Variants in NOL11 observed in about 807,000 individuals in gnomAD.
The protein encoded by NOL11 is nucleolar protein 11.
Under a neutral mutation model 93.0 loss-of-function variants are expected in NOL11, and 42 were observed. That is an observed-to-expected ratio of 0.45 (90% CI 0.35 to 0.58). The LOEUF (loss-of-function observed/expected upper bound fraction) is 0.58, where lower values mean the gene tolerates loss of function less well. NOL11 is among the 20% of genes least tolerant of loss of function. The pLI is 0.00. For missense variants in NOL11, 775 were observed against 841.8 expected, an observed-to-expected ratio of 0.92 and a Z score of 0.98; for synonymous variants, 296 against 293.7, an observed-to-expected ratio of 1.01 and a Z score of -0.08.
At chr17:67,731,864 C>T (rs1045832701) in intron 7 of NOL11, among the ~76,000 whole-genome samples, 1 of 152,188 alleles carries the variant, frequency 6.6e-6, no homozygotes, top group East Asian at 1.9e-4. Flanking sequence ...GTTTTGATTA[C>T]TGTAACTTTA....
intron 7 of NOL11, among the ~76,000 whole-genome samples, chr17:67,733,709 T>A (rs938434568): frequency 1.3e-5 from 2 of 152,190 alleles, no homozygotes; most frequent in Admixed American, 1.3e-4. Flanking sequence ...TTTTAAGTCA[T>A]GAAAGACTGT....
chr17:67,729,779 C>T (rs1379394042), intron 7 of NOL11, among the ~76,000 whole-genome samples: 1 of 150,946 alleles, frequency 6.6e-6, no homozygotes, highest in Non-Finnish European at 1.5e-5. Flanking sequence ...CGGGGTTTCA[C>T]CTTGTTAGCC....
In NOL11 at chr17:67,742,309, C is replaced by T. The variant is rs532074846; in HGVS notation, c.1936-1170C>T. ...TTCTTTGATAATGAGAGAAGGAAAC[C>T]GTCTCTTCTTGTCCATTTATATTTG... is the stretch of plus-strand genomic sequence containing the variant. On this transcript the variant is annotated intron_variant, in intron 16 of 17. Transcript: ENST00000253247. 3.9e-5 allele frequency among the ~76,000 whole-genome samples: 6 copies of T among 152,226 alleles called. No homozygotes were observed. The South Asian group carries it at 6.2e-4, about 16-fold the overall frequency.
In NOL11 at chr17:67,737,711, C is replaced by A; in HGVS notation, c.1403+19C>A. 6.2e-7 allele frequency: 1 copy of A among 1,607,804 alleles called. No individual in the cohort carries two copies. The highest frequency in any genetic ancestry group is 8.5e-7 in the Non-Finnish European group (1 of 1,177,430). On this transcript the variant is annotated intron_variant, in intron 12 of 17. Coordinates refer to ENST00000253247, the MANE Select transcript of NOL11 (RefSeq NM_015462.5). Reference sequence around the variant, plus strand: ...CTTACAGGTAGCTGTTTGTGTGTACCACACTGTACGTGCATAATTCTTCTG... The same window carrying A: ...CTTACAGGTAGCTGTTTGTGTGTACAACACTGTACGTGCATAATTCTTCTG...
rs2055279195 is a variant in NOL11, at chr17:67,744,004, A to G, written c.*145A>G. On this transcript the variant is annotated 3_prime_UTR_variant, in exon 18 of 18. Coordinates refer to ENST00000253247, the MANE Select transcript of NOL11 (RefSeq NM_015462.5). Reference sequence around the variant, plus strand: ...GAGTACCTGGACCATCACTTAACTGATGCTCCGGGGTAGGACTGCAGGTTT... The same window carrying G: ...GAGTACCTGGACCATCACTTAACTGGTGCTCCGGGGTAGGACTGCAGGTTT... 1 of 462,728 alleles carries G rather than the reference A, an allele frequency of 2.2e-6. No individual in the cohort carries two copies. Among genetic ancestry groups the G allele is most frequent in the Admixed American group, 4.1e-5 (1 of 24,432 alleles). The allele number at this position is 462,728 out of a possible 1,614,324, so 28.7% of individuals were successfully genotyped here.
rs7219875 is a variant in NOL11 at position 67,723,982 on chromosome 17, T to C, written c.520-67T>C. On this transcript the variant is annotated intron_variant, in intron 5 of 17. Coordinates refer to ENST00000253247, the MANE Select transcript of NOL11 (RefSeq NM_015462.5). ...AGTAGAATGGGGTGACAACTTCTGG[T>C]TTTAACATATGTTAAAATACTTGGT... 414 of 1,175,022 alleles carry C rather than the reference T, an allele frequency of 3.5e-4. 1 individual carries two copies. In the African/African-American group the frequency reaches 5.8e-3, roughly 16 times the overall value. The allele number at this position is 1,175,022 out of a possible 1,614,324, so 72.8% of individuals were successfully genotyped here.
chr17:67,741,853 C>T (rs904187937), intron 16 of NOL11, among the ~76,000 whole-genome samples: 5 of 152,178 alleles, frequency 3.3e-5, no homozygotes, highest in Admixed American at 2.0e-4. Context: ...CTTAAGCCAC[C>T]GCACCCGGCC....
chr17:67,737,757 A>C (rs1189516399), intron 12 of NOL11, 65 bp downstream of exon 12: 4 of 1,581,752 alleles, frequency 2.5e-6, no homozygotes, highest in Non-Finnish European at 3.4e-6. Flanking sequence ...TTATAGTTCT[A>C]ATCTTCTGAA....
At chr17:67,733,625 T>G (rs1302606803) in intron 7 of NOL11, among the ~76,000 whole-genome samples, 2 of 152,214 alleles carry the variant, frequency 1.3e-5, no homozygotes, top group Non-Finnish European at 2.9e-5. Context: ...TGTGGGTTTT[T>G]CATAGATGCC....
chr17:67,736,114 G>C (rs2055199805), intron 9 of NOL11, 91 bp downstream of exon 9: 2 of 1,227,970 alleles, frequency 1.6e-6, no homozygotes, highest in African/African-American at 1.6e-5. Flanking sequence ...TATTTGTAAA[G>C]CTTTTTCTTA....
chr17:67,718,009 G>A lies in NOL11; in HGVS notation c.62G>A (p.Gly21Glu). 1.9e-6 allele frequency: 3 copies of A among 1,614,236 alleles called. No homozygotes were observed. The highest frequency in any genetic ancestry group is 2.5e-6 in the Non-Finnish European group (3 of 1,180,050). The change falls in exon 1 of 18, where the codon GGA (glycine) becomes GAA (glutamate). Residue 21 changes from glycine to glutamate, a missense_variant. Physicochemically the swap from Gly to Glu is moderately conservative, Grantham distance 98. Around this residue, in one of 2 missense-constraint regions of NOL11, gnomAD observed 359 missense variants for 316.5 expected, o/e 1.13. Coordinates refer to ENST00000253247, the MANE Select transcript of NOL11 (RefSeq NM_015462.5). ...GTAGTCCTGAGCGCCGGGCCTGAAGGACTCCTAGGCGTGGAGCAGAGCGAC... is the reference window on the plus strand; with the variant it reads ...GTAGTCCTGAGCGCCGGGCCTGAAGAACTCCTAGGCGTGGAGCAGAGCGAC... ...SSVVLSAGPE[G>E]LLGVEQSDKT...
At position 67,721,380 on chromosome 17, in the gene NOL11, G is replaced by A; in HGVS notation, c.315G>A (p.Leu105=). The A allele has an allele frequency of 6.5e-7, 1 of 1,529,280 alleles. No homozygotes were observed. The highest frequency in any genetic ancestry group is 1.3e-5 in the South Asian group (1 of 74,790). The allele number at this position is 1,529,280 out of a possible 1,614,324, so 94.7% of individuals were successfully genotyped here. A position where few individuals can be genotyped will look rare whatever the true frequency, so the allele number is the denominator to read the frequency against. ...TAAAATTTTTTATGTTCTTCCAGTT[G>A]TCAGCAGAAGTATATAGGATACTTT... The part of the protein sequence containing the change: ...VNLDKVFKAT[L]SAEVYRILSV... Residue 105 remains leucine (L), a splice_region_variant and synonymous_variant, in exon 4 of 18, where the codon TTG becomes TTA. Transcript: ENST00000253247.
At chr17:67,736,121 C>G in intron 9 of NOL11, 98 bp downstream of exon 9, 1 of 1,183,426 alleles carries the variant, frequency 8.5e-7, no homozygotes, top group Non-Finnish European at 1.2e-6. Flanking sequence ...AAAGCTTTTT[C>G]TTAATTTTGA....
chr17:67,730,486 T>C (rs2055143688), intron 7 of NOL11, among the ~76,000 whole-genome samples: 1 of 151,486 alleles, frequency 6.6e-6, no homozygotes, highest in Non-Finnish European at 1.5e-5. Flanking sequence ...GGTCTCAATC[T>C]CCTGACCTCA....
chr17:67,734,667 G>A (rs372836473), intron 8 of NOL11, among the ~76,000 whole-genome samples: 1 of 152,150 alleles, frequency 6.6e-6, no homozygotes, highest in Non-Finnish European at 1.5e-5. Context: ...CAAACCAGGT[G>A]TGGTGGTATG....
At position 67,737,967 on chromosome 17, in the gene NOL11, C is replaced by A; in HGVS notation, c.1524C>A (p.Phe508Leu). Reference protein sequence around the residue: ...ESVTCACLKIFLSIGDDSLQE... With the variant: ...ESVTCACLKILLSIGDDSLQE... ...TCACCTGTGCTTGCTTAAAAATTTT[C>A]TTGAGGTAAGTTAGACTCCAATGGT... Residue 508 changes from phenylalanine to leucine, a missense_variant, in exon 13 of 18, where the codon TTC becomes TTA. Transcript: ENST00000253247. 1 of 1,607,492 alleles carries A rather than the reference C, an allele frequency of 6.2e-7. No individual in the cohort carries two copies. Among genetic ancestry groups the A allele is most frequent in the South Asian group, 1.1e-5 (1 of 90,088 alleles).
At chr17:67,724,773 A>G (rs1028948952) in intron 6 of NOL11, among the ~76,000 whole-genome samples, 2 of 152,216 alleles carry the variant, frequency 1.3e-5, no homozygotes, top group East Asian at 1.9e-4. Flanking sequence ...AAAATTTACC[A>G]TAAGCTGGCC....
chr17:67,738,285 A>G lies in NOL11; in HGVS notation c.1693A>G (p.Asn565Asp), dbSNP rs2055222350. Reference sequence around the variant, plus strand: ...ATGCAATAACTGTGATCAAGAGTTAAATAAAAAGCCCCAGGACGAAACAAA... The same window carrying G: ...ATGCAATAACTGTGATCAAGAGTTAGATAAAAAGCCCCAGGACGAAACAAA... ...DKCNNCDQEL[N>D]KKPQDETKES... The change falls in exon 14 of 18, where the codon AAT (asparagine) becomes GAT (aspartate). Residue 565 changes from asparagine to aspartate, a missense_variant. Physicochemically the swap from Asn to Asp is conservative, Grantham distance 23. Coordinates refer to ENST00000253247, the MANE Select transcript of NOL11 (RefSeq NM_015462.5). 2 of 1,613,992 alleles carry G rather than the reference A, an allele frequency of 1.2e-6. No individual in the cohort carries two copies. Among genetic ancestry groups the G allele is most frequent in the South Asian group, 2.2e-5 (2 of 91,092 alleles).
chr17:67,732,578 A>G (rs890050571), intron 7 of NOL11, among the ~76,000 whole-genome samples: 1 of 151,670 alleles, frequency 6.6e-6, no homozygotes, highest in Non-Finnish European at 1.5e-5. Context: ...TTTTTAAAAA[A>G]ATGTTTTATT....
Sources: allele counts gnomAD v4.1 joint callset (sites outside exome capture counted in the v4.1 genomes callset), GRCh38; gene constraint gnomAD v4.1.1; regional missense constraint gnomAD v4.1.1; transcripts MANE v1.5; gene names NCBI Gene and HGNC (gene_info 2026-07-23, HGNC 2026-07-21).